The following KCNN2 variants were observed in gnomAD, a reference collection of about 807,000 sequenced individuals.
KCNN2 encodes small conductance calcium-activated potassium channel protein 2.
In KCNN2, 24 loss-of-function variants were observed where a neutral mutation model predicts 55.5. The ratio of observed to expected loss-of-function variants is 0.43; its 90% CI spans 0.31 to 0.61. The LOEUF (loss-of-function observed/expected upper bound fraction) is 0.61. Among genes scored for constraint, KCNN2 ranks in the 20% least tolerant of loss-of-function variants. The probability of loss-of-function intolerance (pLI) is 0.08; values close to 1 mark genes in which losing one functional copy is unlikely to be tolerated. For synonymous variants in KCNN2, 431 were observed against 336.1 expected, an observed-to-expected ratio of 1.28 and a Z score of -3.09; for missense variants, 754 against 853.6, an observed-to-expected ratio of 0.88 and a Z score of 1.45.
intron 1 of KCNN2, among the ~76,000 whole-genome samples, chr5:114,182,957 G>A (rs1753266939): frequency 2.0e-5 from 3 of 152,028 alleles, no homozygotes; most frequent in South Asian, 4.1e-4. Flanking sequence ...ATAGGGGAAA[G>A]CATTAATATG....
chr5:114,375,952 G>GTATATATATA lies in KCNN2; in HGVS notation c.1218+11967_1218+11976dup, dbSNP rs6149186. Reference sequence around the variant, plus strand: ...AATCATTTAAAAAAAGACTCACAGTGTATATATATATATATATATATATAT... The same window carrying GTATATATATA: ...AATCATTTAAAAAAAGACTCACAGTGTATATATATATATATATATATATATATATATATAT... On this transcript the variant is annotated intron_variant, in intron 2 of 7. Transcript: ENST00000673685. Among the ~76,000 whole-genome samples the GTATATATATA allele has an allele frequency of 1.6e-3, 168 of 104,702 alleles. 5 individuals are homozygous for GTATATATATA. Among genetic ancestry groups the GTATATATATA allele is most frequent in the African/African-American group, 4.1e-3 (116 of 28,192 alleles). The allele number at this position is 104,702 out of a possible 152,430, so 68.7% of individuals were successfully genotyped here.
At chr5:114,454,139 C>A (rs963741521) in intron 3 of KCNN2, among the ~76,000 whole-genome samples, 9 of 152,146 alleles carry the variant, frequency 5.9e-5, no homozygotes, top group African/African-American at 1.7e-4. Context: ...CATGTCCCTG[C>A]AAAGGACATG....
At chr5:114,268,839 A>G (rs1168713508) in intron 2 of KCNN2, among the ~76,000 whole-genome samples, 1 of 152,084 alleles carries the variant, frequency 6.6e-6, no homozygotes, top group African/African-American at 2.4e-5. Context: ...TCACAAATGT[A>G]ATTGAGTACC....
intron 1 of KCNN2, among the ~76,000 whole-genome samples, chr5:114,139,890 T>A (rs1752241591): frequency 6.6e-6 from 1 of 151,924 alleles, no homozygotes; most frequent in South Asian, 2.1e-4. Context: ...CATACCTGGG[T>A]AAGACTGAAT....
At chr5:114,398,284 G>T (rs1463354330) in intron 2 of KCNN2, among the ~76,000 whole-genome samples, 1 of 152,046 alleles carries the variant, frequency 6.6e-6, no homozygotes, top group Non-Finnish European at 1.5e-5. Context: ...ATCAAATAGG[G>T]CGTCCTTTCT....
At chr5:114,216,033 A>T (rs1580627518) in intron 1 of KCNN2, among the ~76,000 whole-genome samples, 1 of 152,152 alleles carries the variant, frequency 6.6e-6, no homozygotes, top group East Asian at 1.9e-4. Flanking sequence ...TATTTTGTGT[A>T]AAAGAATGTT....
intron 2 of KCNN2, among the ~76,000 whole-genome samples, chr5:114,368,306 T>C (rs1358451730): frequency 6.6e-6 from 1 of 152,208 alleles, no homozygotes; most frequent in East Asian, 1.9e-4. Flanking sequence ...CAATGTTTAT[T>C]TGTCATCTTT....
intron 2 of KCNN2, among the ~76,000 whole-genome samples, chr5:114,282,527 A>G (rs758255431): frequency 3.3e-5 from 5 of 152,104 alleles, no homozygotes; most frequent in Non-Finnish European, 7.4e-5. Context: ...TTACTTATAT[A>G]TTTTTATGCA....
At chr5:114,237,611 T>C (rs1422824036) in intron 2 of KCNN2, among the ~76,000 whole-genome samples, 1 of 152,160 alleles carries the variant, frequency 6.6e-6, no homozygotes, top group Non-Finnish European at 1.5e-5. Context: ...ATTTTTTTTT[T>C]ATTTTACCTG....
chr5:114,395,961 T>G (rs1758601275), intron 2 of KCNN2, among the ~76,000 whole-genome samples: 1 of 152,228 alleles, frequency 6.6e-6, no homozygotes. Context: ...TTCTGAAATT[T>G]ACTTCAGTAG....
chr5:114,416,320 C>T (rs1334813347), intron 3 of KCNN2, among the ~76,000 whole-genome samples: 1 of 152,124 alleles, frequency 6.6e-6, no homozygotes, highest in Non-Finnish European at 1.5e-5. Flanking sequence ...TCTTCATGAC[C>T]AAAAGCAAAC....
At chr5:114,148,527 G>C (rs758307878) in intron 1 of KCNN2, among the ~76,000 whole-genome samples, 1 of 152,252 alleles carries the variant, frequency 6.6e-6, no homozygotes, top group East Asian at 1.9e-4. Context: ...GGAGAGTGAG[G>C]GCACTGGGAC....
chr5:114,081,370 A>G (rs1408145909), intron 1 of KCNN2, among the ~76,000 whole-genome samples: 1 of 152,126 alleles, frequency 6.6e-6, no homozygotes, highest in Non-Finnish European at 1.5e-5. Context: ...GAAGACTCAT[A>G]TTTTCTCATT....
chr5:114,088,385 T>G (rs1479576134), intron 1 of KCNN2, among the ~76,000 whole-genome samples: 6 of 151,952 alleles, frequency 3.9e-5, no homozygotes, highest in Admixed American at 3.9e-4. Context: ...CTGCTGTTTT[T>G]TTTTTGAGCT....
chr5:114,496,128 C>A lies in KCNN2; in HGVS notation c.2322C>A (p.Ser774=), dbSNP rs750871284. Residue 774 remains serine (S), a synonymous_variant, in exon 8 of 8, where the codon TCC becomes TCA. Coordinates refer to ENST00000673685, the MANE Select transcript of KCNN2 (RefSeq NM_021614.4). ...TYNAERSRSS[S]RRRRSSSTAP... ...ATGCTGAGCGGTCCCGGTCCTCGTC[C>A]AGGAGGCGGCGGTCCTCTTCCACAG... 1 of 1,614,014 alleles carries A rather than the reference C, an allele frequency of 6.2e-7. No homozygotes were observed. Among genetic ancestry groups the A allele is most frequent in the Non-Finnish European group, 8.5e-7 (1 of 1,179,978 alleles).
intron 1 of KCNN2, among the ~76,000 whole-genome samples, chr5:114,119,324 A>G (rs1209135587): frequency 2.0e-5 from 3 of 152,188 alleles, no homozygotes; most frequent in South Asian, 2.1e-4. Flanking sequence ...TAGATACACA[A>G]AAGTCTGATA....
chr5:114,250,653 A>T (rs1474724138), intron 2 of KCNN2, among the ~76,000 whole-genome samples: 1 of 152,150 alleles, frequency 6.6e-6, no homozygotes, highest in Non-Finnish European at 1.5e-5. Flanking sequence ...CCTATAAGTG[A>T]TGTAATGAAG....
chr5:114,204,727 C>G (rs1369682514), intron 1 of KCNN2, among the ~76,000 whole-genome samples: 1 of 152,164 alleles, frequency 6.6e-6, no homozygotes, highest in Non-Finnish European at 1.5e-5. Context: ...TATGGTGGAG[C>G]CTCTAAAAGC....
intron 2 of KCNN2, among the ~76,000 whole-genome samples, chr5:114,374,282 A>G (rs1757870292): frequency 6.6e-6 from 1 of 152,178 alleles, no homozygotes; most frequent in African/African-American, 2.4e-5. Flanking sequence ...CAAGGGGAAT[A>G]ATTTGGATGA....
Sources: allele counts gnomAD v4.1 joint callset (sites outside exome capture counted in the v4.1 genomes callset), GRCh38; gene constraint gnomAD v4.1.1; transcripts MANE v1.5; gene names NCBI Gene and HGNC (gene_info 2026-07-23, HGNC 2026-07-21).